KCNH1: variants seen among roughly 807,000 people sequenced by gnomAD.
The protein encoded by KCNH1 is voltage-gated delayed rectifier potassium channel KCNH1.
KCNH1 carries 27 observed loss-of-function variants against 69.2 expected under a neutral mutation model. The ratio of observed to expected loss-of-function variants is 0.39; its 90% CI spans 0.29 to 0.54. The LOEUF is 0.54. Among genes scored for constraint, KCNH1 ranks in the 20% least tolerant of loss-of-function variants. The probability of loss-of-function intolerance (pLI) is 0.68; values close to 1 mark genes in which losing one functional copy is unlikely to be tolerated. For missense variants in KCNH1, 798 were observed against 1,261.6 expected (o/e 0.63, Z 5.57); for synonymous variants, 456 against 487.7 (o/e 0.93, Z 0.86).
rs1418747861 is a variant in KCNH1 at position 211,082,866 on chromosome 1, G to A, written c.472C>T (p.Leu158=). The change falls in exon 5 of 11, where the codon CTG becomes TTG. Residue 158 remains leucine, a synonymous_variant. Coordinates refer to ENST00000271751, the MANE Select transcript of KCNH1 (RefSeq NM_172362.3). ...WGKFARLTRA[L]TSSRGVLQQL... is the part of the protein sequence containing the mutation. ...TGCAGGACACCCCTGCTGCTTGTCA[G>A]TGCTCTTGTCAGCCGAGCAAACTTC... The A allele has an allele frequency of 1.2e-6, 2 of 1,614,122 alleles. No individual in the cohort carries two copies. The highest frequency in any genetic ancestry group is 1.7e-6 in the Non-Finnish European group (2 of 1,179,998).
At position 210,856,823 on chromosome 1, in the gene KCNH1, T is replaced by A. The variant is rs373347743; in HGVS notation, c.1463-52657A>T. Among the ~76,000 whole-genome samples, 81 of 89,584 alleles carry A rather than the reference T, an allele frequency of 9.0e-4. 1 individual carries two copies. In the East Asian group the frequency reaches 0.016, roughly 18 times the overall value. 58.8% of individuals were successfully genotyped at this position (89,584 alleles called of 152,430 possible). A position where few individuals can be genotyped will look rare whatever the true frequency, so the allele number is the denominator to read the frequency against. ...TATTTATATATATATTATATATATT[T>A]TATATATAATATATATAAAATATAT... On this transcript the variant is annotated intron_variant, in intron 7 of 10. Coordinates refer to ENST00000271751, the MANE Select transcript of KCNH1 (RefSeq NM_172362.3).
At chr1:210,857,656 G>A (rs1443511363) in intron 7 of KCNH1, among the ~76,000 whole-genome samples, 1 of 152,156 alleles carries the variant, frequency 6.6e-6, no homozygotes, top group Non-Finnish European at 1.5e-5. Context: ...TTTCTCATCT[G>A]TTTTAGACAA....
At chr1:211,013,682 C>T (rs1441642344) in intron 6 of KCNH1, among the ~76,000 whole-genome samples, 1 of 152,272 alleles carries the variant, frequency 6.6e-6, no homozygotes, top group African/African-American at 2.4e-5. Context: ...TCTGCAAAAC[C>T]GGGATAATAC....
intron 7 of KCNH1, chr1:210,859,096 T>C (rs1221972193): frequency 6.9e-6 from 6 of 868,102 alleles, no homozygotes; most frequent in East Asian, 2.4e-5. Flanking sequence ...ATAGATAACA[T>C]GAACCAGTTC....
intron 1 of KCNH1, among the ~76,000 whole-genome samples, chr1:211,120,061 A>G: frequency 6.6e-6 from 1 of 152,178 alleles, no homozygotes; most frequent in East Asian, 1.9e-4. Context: ...TTACTGAATG[A>G]TATTTTACTT....
At chr1:210,816,353 T>C (rs1684815777) in intron 7 of KCNH1, among the ~76,000 whole-genome samples, 1 of 152,206 alleles carries the variant, frequency 6.6e-6, no homozygotes, top group Non-Finnish European at 1.5e-5. Context: ...ATCTGTCGAA[T>C]AAAACAACAG....
At chr1:211,113,935 GTCTCTC>G (rs138982653) in intron 1 of KCNH1, among the ~76,000 whole-genome samples, 3 of 139,790 alleles carry the variant, frequency 2.1e-5, no homozygotes, top group Non-Finnish European at 3.1e-5. Flanking sequence ...ATTAGATCAA[GTCTCTC>G]TCTCTCTCTC....
chr1:210,875,164 T>G (rs190728605), intron 7 of KCNH1, among the ~76,000 whole-genome samples: 11 of 152,352 alleles, frequency 7.2e-5, no homozygotes, highest in Non-Finnish European at 1.3e-4. Context: ...TGAATTATTC[T>G]TAATAAACCA....
At chr1:211,106,123 A>C (rs903958397) in intron 2 of KCNH1, among the ~76,000 whole-genome samples, 4 of 152,254 alleles carry the variant, frequency 2.6e-5, no homozygotes, top group Non-Finnish European at 4.4e-5. Context: ...CACTCTTCAT[A>C]GATGAGTTTG....
chr1:210,894,303 G>C (rs1339858170), intron 7 of KCNH1, among the ~76,000 whole-genome samples: 1 of 152,116 alleles, frequency 6.6e-6, no homozygotes, highest in African/African-American at 2.4e-5. Flanking sequence ...TTAGTCTAGG[G>C]ACAATTATTT....
At chr1:211,021,019 T>C (rs1689578810) in intron 5 of KCNH1, among the ~76,000 whole-genome samples, 1 of 152,074 alleles carries the variant, frequency 6.6e-6, no homozygotes, top group African/African-American at 2.4e-5. Context: ...CTGCATGAGA[T>C]TGGAGACTAT....
chr1:210,760,863 TC>T (rs545099087), intron 10 of KCNH1, among the ~76,000 whole-genome samples: 2 of 152,208 alleles, frequency 1.3e-5, no homozygotes, highest in African/African-American at 4.8e-5. Flanking sequence ...TTCAATTACC[TC>T]CCTCCAGGTC....
At chr1:210,765,537 A>G (rs1324702861) in intron 10 of KCNH1, among the ~76,000 whole-genome samples, 1 of 152,224 alleles carries the variant, frequency 6.6e-6, no homozygotes, top group Non-Finnish European at 1.5e-5. Context: ...AGTGAGATAC[A>G]TGTAAATGCG....
intron 7 of KCNH1, among the ~76,000 whole-genome samples, chr1:210,819,156 T>A (rs1220325852): frequency 6.6e-6 from 1 of 151,894 alleles, no homozygotes; most frequent in Non-Finnish European, 1.5e-5. Context: ...TAAAAAAAAA[T>A]AGGAGGAAGA....
intron 5 of KCNH1, among the ~76,000 whole-genome samples, chr1:211,061,579 C>T (rs1308967161): frequency 6.6e-6 from 1 of 151,870 alleles, no homozygotes; most frequent in Non-Finnish European, 1.5e-5. Context: ...CTAAAGACTC[C>T]ATTAAAAAAA....
intron 10 of KCNH1, among the ~76,000 whole-genome samples, chr1:210,713,972 A>C (rs1657002315): frequency 6.6e-6 from 1 of 152,082 alleles, no homozygotes; most frequent in Non-Finnish European, 1.5e-5. Flanking sequence ...CTCCGGTGGG[A>C]GGCTTCTCAC....
intron 6 of KCNH1, among the ~76,000 whole-genome samples, chr1:210,932,831 C>T (rs1687700966): frequency 1.3e-5 from 2 of 152,032 alleles, no homozygotes; most frequent in Non-Finnish European, 1.5e-5. Context: ...TATATATGAA[C>T]CCAACACTGG....
chr1:210,697,393 C>T (rs1681667750), intron 10 of KCNH1, among the ~76,000 whole-genome samples: 1 of 152,254 alleles, frequency 6.6e-6, no homozygotes, highest in Non-Finnish European at 1.5e-5. Context: ...AGACCCCGTG[C>T]TGCCTCCTGC....
At chr1:210,758,930 C>T (rs960187383) in intron 10 of KCNH1, among the ~76,000 whole-genome samples, 1 of 152,146 alleles carries the variant, frequency 6.6e-6, no homozygotes, top group Non-Finnish European at 1.5e-5. Flanking sequence ...TGGACTGCAG[C>T]CTGAATTACA....
Sources: allele counts gnomAD v4.1 joint callset (sites outside exome capture counted in the v4.1 genomes callset), GRCh38; gene constraint gnomAD v4.1.1; transcripts MANE v1.5; gene names NCBI Gene and HGNC (gene_info 2026-07-23, HGNC 2026-07-21).